GAS2: variants seen among roughly 807,000 people sequenced by gnomAD.
GAS2 encodes growth arrest-specific protein 2.
GAS2 carries 20 observed loss-of-function variants against 37.5 expected under a neutral mutation model. The observed-to-expected ratio is 0.53, with a 90% CI of 0.37 to 0.77. The LOEUF is 0.77. Among genes scored for constraint, GAS2 ranks in the 30% least tolerant of loss-of-function variants. The probability of loss-of-function intolerance (pLI) is 0.00; values close to 1 mark genes in which losing one functional copy is unlikely to be tolerated. For missense variants in GAS2, 336 were observed against 373.4 expected (o/e 0.90, Z 0.82); for synonymous variants, 144 against 132.2 (o/e 1.09, Z -0.61).
At chr11:22,662,451 T>A (rs937999260), upstream of GAS2, among the ~76,000 whole-genome samples, 1 of 152,250 alleles carries the variant, frequency 6.6e-6, no homozygotes, top group African/African-American at 2.4e-5. Context: ...TTCATTTCTT[T>A]CAACAATTAT....
chr11:22,701,086 C>A (rs1021561214), intron 3 of GAS2, among the ~76,000 whole-genome samples: 9 of 152,070 alleles, frequency 5.9e-5, no homozygotes, highest in Non-Finnish European at 1.2e-4. Flanking sequence ...TGTAAAAATA[C>A]AATTTCTATA....
At chr11:22,764,326 C>A (rs969238253) in intron 7 of GAS2, among the ~76,000 whole-genome samples, 6 of 151,920 alleles carry the variant, frequency 3.9e-5, no homozygotes, top group African/African-American at 1.4e-4. Flanking sequence ...TTTGGGAGGC[C>A]GAGGCGGGCG....
chr11:22,666,823 C>A lies in GAS2; in HGVS notation c.-97C>A, dbSNP rs2133852960. 1 of 152,718 alleles carries A rather than the reference C, an allele frequency of 6.5e-6. No homozygotes were observed. The highest frequency in any genetic ancestry group is 2.1e-4 in the South Asian group (1 of 4,830). 9.5% of individuals were successfully genotyped at this position (152,718 alleles called of 1,614,324 possible). On this transcript the variant is annotated 5_prime_UTR_variant, in exon 1 of 8. Coordinates refer to ENST00000454584, the MANE Select transcript of GAS2 (RefSeq NM_001143830.3). ...GGACCTGTGCCTGGAGGGGGCCGGC[C>A]CCGAGAAGCTGCAGGAGCCCAGCCC...
At chr11:22,734,643 G>A (rs1247639189) in intron 4 of GAS2, among the ~76,000 whole-genome samples, 1 of 151,634 alleles carries the variant, frequency 6.6e-6, no homozygotes, top group Non-Finnish European at 1.5e-5. Flanking sequence ...TATTTTCTAT[G>A]TGCCAAGTAC....
At chr11:22,775,367 A>G (rs1855206127) in intron 7 of GAS2, among the ~76,000 whole-genome samples, 1 of 152,142 alleles carries the variant, frequency 6.6e-6, no homozygotes, top group African/African-American at 2.4e-5. Context: ...ATTATTATCT[A>G]CTGTGTGAGG....
At chr11:22,696,719 T>C (rs1220711694) in intron 3 of GAS2, among the ~76,000 whole-genome samples, 44 of 151,692 alleles carry the variant, frequency 2.9e-4, no homozygotes, top group African/African-American at 9.2e-4. Context: ...TTTCATGTGT[T>C]TTTTGGCTGC....
chr11:22,674,974 A>C lies in GAS2; in HGVS notation c.105A>C (p.Pro35=), dbSNP rs1354876281. 1.2e-6 allele frequency: 2 copies of C among 1,613,944 alleles called. No individual in the cohort carries two copies. Among genetic ancestry groups the C allele is most frequent in the Non-Finnish European group, 1.7e-6 (2 of 1,179,880 alleles). Reference sequence around the variant, plus strand: ...GCAGACATGAAGCTAATTTGCTACCAATGAAAGAAGATCTGGCCTTGTGGT... The same window carrying C: ...GCAGACATGAAGCTAATTTGCTACCCATGAAAGAAGATCTGGCCTTGTGGT... The part of the protein sequence containing the change: ...LASRHEANLL[P]MKEDLALWLT... Residue 35 remains proline, a synonymous_variant, in exon 2 of 8, where the codon CCA becomes CCC. Coordinates refer to ENST00000454584, the MANE Select transcript of GAS2 (RefSeq NM_001143830.3).
At chr11:22,792,780 G>A (rs905912523) in intron 7 of GAS2, among the ~76,000 whole-genome samples, 4 of 152,210 alleles carry the variant, frequency 2.6e-5, no homozygotes, top group African/African-American at 9.6e-5. Context: ...AGTCAGTGAT[G>A]AATTGTTTAA....
chr11:22,688,555 A>G (rs1054217310), intron 3 of GAS2: 1 of 152,176 alleles, frequency 6.6e-6, no homozygotes, highest in Non-Finnish European at 1.5e-5. Flanking sequence ...TTATTGATCA[A>G]AAGTTATGTA....
intron 7 of GAS2, among the ~76,000 whole-genome samples, chr11:22,798,958 ATTAAT>A (rs1415878026): frequency 3.3e-5 from 5 of 152,194 alleles, no homozygotes; most frequent in East Asian, 3.9e-4. Flanking sequence ...TGTCCTATAA[ATTAAT>A]TTAACACTTT....
intron 7 of GAS2, among the ~76,000 whole-genome samples, chr11:22,790,141 G>A (rs1399618954): frequency 6.9e-6 from 1 of 144,706 alleles, no homozygotes; most frequent in African/African-American, 2.9e-5. Context: ...AGTGCATCCC[G>A]GAAAAAAGAG....
intron 3 of GAS2, among the ~76,000 whole-genome samples, chr11:22,714,390 A>C (rs902227963): frequency 5.9e-5 from 9 of 152,172 alleles, no homozygotes; most frequent in African/African-American, 2.2e-4. Flanking sequence ...TTACCGCTAC[A>C]CATAGGAAAT....
rs988225228 is a variant in GAS2 at position 22,666,743 on chromosome 11, C to A, written c.-177C>A. ...AGAAGTATGAAGAGGGGTAGTGCGGCTGTAGCTGCTGCCGCTGCCGCCAGG... is the reference window on the plus strand; with the variant it reads ...AGAAGTATGAAGAGGGGTAGTGCGGATGTAGCTGCTGCCGCTGCCGCCAGG... On this transcript the variant is annotated 5_prime_UTR_variant, in exon 1 of 8. The change creates a new upstream start codon in the 5' untranslated region. Coordinates refer to ENST00000454584, the MANE Select transcript of GAS2 (RefSeq NM_001143830.3). 6.6e-6 allele frequency: 1 copy of A among 152,478 alleles called. No homozygotes were observed. Among genetic ancestry groups the A allele is most frequent in the African/African-American group, 2.4e-5 (1 of 41,478 alleles). The allele number at this position is 152,478 out of a possible 1,614,324, so 9.4% of individuals were successfully genotyped here. A position where few individuals can be genotyped will look rare whatever the true frequency, so the allele number is the denominator to read the frequency against.
intron 2 of GAS2, among the ~76,000 whole-genome samples, chr11:22,680,579 A>G (rs916678527): frequency 1.3e-5 from 2 of 152,170 alleles, no homozygotes; most frequent in African/African-American, 4.8e-5. Context: ...GATTAAAAAT[A>G]TACCAACTTT....
chr11:22,637,431 AAT>A (rs1313676336), intron 1 of GAS2, among the ~76,000 whole-genome samples: 2 of 50,834 alleles, frequency 3.9e-5, no homozygotes, highest in Non-Finnish European at 6.0e-5. Context: ...TAATTATATT[AAT>A]AGTATACTTA....
intron 6 of GAS2, among the ~76,000 whole-genome samples, chr11:22,750,427 T>C (rs1463541920): frequency 6.6e-6 from 1 of 152,076 alleles, no homozygotes; most frequent in Non-Finnish European, 1.5e-5. Context: ...GAACCCTCAT[T>C]TCTGTTAAGG....
intron 3 of GAS2, among the ~76,000 whole-genome samples, chr11:22,723,904 T>A (rs1254339119): frequency 6.6e-6 from 1 of 151,898 alleles, no homozygotes; most frequent in African/African-American, 2.4e-5. Flanking sequence ...TTTTTTTAAA[T>A]TTGGTAGTAT....
In GAS2 at chr11:22,732,981, A is replaced by C. The variant is rs553435225; in HGVS notation, c.410-4724A>C. On this transcript the variant is annotated intron_variant, in intron 4 of 7. Coordinates refer to ENST00000454584, the MANE Select transcript of GAS2 (RefSeq NM_001143830.3). ...TAGTGTATATACACATCACCTGGAA[A>C]ATTTTTTTAAATGTAGTTTCTGATT... 3.3e-5 allele frequency among the ~76,000 whole-genome samples: 5 copies of C among 151,726 alleles called. No individual in the cohort carries two copies. In the East Asian group the frequency reaches 9.7e-4, roughly 29 times the overall value.
chr11:22,725,580 A>G (rs940211539), intron 3 of GAS2, among the ~76,000 whole-genome samples: 16 of 151,922 alleles, frequency 1.1e-4, no homozygotes, highest in African/African-American at 3.6e-4. Context: ...AGATGTACAC[A>G]ATACCTGGCT....
Sources: gnomAD v4.1 joint callset for allele counts (sites outside exome capture counted in the v4.1 genomes callset) on GRCh38, gnomAD v4.1.1 for gene constraint, MANE v1.5 for transcripts, NCBI Gene and HGNC (gene_info 2026-07-23, HGNC 2026-07-21) for gene names.